CACNB2: variants seen among roughly 807,000 people sequenced by gnomAD.
CACNB2 encodes the protein calcium voltage-gated channel auxiliary subunit beta 2.
CACNB2 carries 42 observed loss-of-function variants against 73.3 expected under a neutral mutation model. The observed-to-expected ratio is 0.57, with a 90% CI of 0.45 to 0.74. The LOEUF is 0.74. Among genes scored for constraint, CACNB2 ranks in the 30% least tolerant of loss-of-function variants. The probability of loss-of-function intolerance (pLI) is 0.00; values close to 1 mark genes in which losing one functional copy is unlikely to be tolerated. For missense variants in CACNB2, 940 were observed against 853.0 expected (o/e 1.10, Z -1.27); for synonymous variants, 348 against 310.3 (o/e 1.12, Z -1.28).
rs556671937 is a variant in CACNB2 at position 18,348,385 on chromosome 10, C to T, written c.214-53539C>T. On this transcript the variant is annotated intron_variant, in intron 2 of 13. Transcript: ENST00000324631. ...ATTTAATTAAGATACATATGTTTGG[C>T]ACTGTAGCTGGAATACAGAGGCCCA... Among the ~76,000 whole-genome samples the T allele has an allele frequency of 4.1e-4, 63 of 152,282 alleles. 1 individual carries two copies. In the South Asian group the frequency reaches 0.013, roughly 31 times the overall value.
chr10:18,315,691 C>G (rs1218072120), intron 2 of CACNB2, among the ~76,000 whole-genome samples: 1 of 151,504 alleles, frequency 6.6e-6, no homozygotes, highest in Non-Finnish European at 1.5e-5. Flanking sequence ...AGGATCCTGT[C>G]CCAAAGAAAC....
chr10:18,386,619 G>T (rs1391920552), intron 2 of CACNB2, among the ~76,000 whole-genome samples: 1 of 151,884 alleles, frequency 6.6e-6, no homozygotes, highest in Non-Finnish European at 1.5e-5. Flanking sequence ...TGTTAGCCAG[G>T]ACGGTCTCGA....
intron 3 of CACNB2, among the ~76,000 whole-genome samples, chr10:18,438,037 A>G (rs1224601588): frequency 1.4e-5 from 1 of 71,312 alleles, no homozygotes; most frequent in Non-Finnish European, 2.5e-5. Context: ...TTTTTTTTTG[A>G]GATGAAGTCT....
intron 2 of CACNB2, among the ~76,000 whole-genome samples, chr10:18,371,887 T>C (rs1776876479): frequency 6.6e-6 from 1 of 152,238 alleles, no homozygotes; most frequent in Non-Finnish European, 1.5e-5. Context: ...TTTTTAATGA[T>C]CCTCATTCTA....
At chr10:18,479,828 C>A (rs2048632318) in intron 3 of CACNB2, among the ~76,000 whole-genome samples, 1 of 152,170 alleles carries the variant, frequency 6.6e-6, no homozygotes, top group Non-Finnish European at 1.5e-5. Flanking sequence ...TCAACTAAAC[C>A]TCTTCATAAA....
At chr10:18,362,446 CCTT>C (rs1333561385) in intron 2 of CACNB2, among the ~76,000 whole-genome samples, 2 of 152,014 alleles carry the variant, frequency 1.3e-5, no homozygotes, top group Non-Finnish European at 2.9e-5. Context: ...ACTGTTTCCT[CCTT>C]GTTTTTTTCC....
chr10:18,179,133 A>G (rs1049419191), intron 2 of CACNB2, among the ~76,000 whole-genome samples: 27 of 152,234 alleles, frequency 1.8e-4, no homozygotes, highest in African/African-American at 6.3e-4. Context: ...TAAACTAAAC[A>G]CTATAAAATA....
intron 3 of CACNB2, among the ~76,000 whole-genome samples, chr10:18,452,606 C>T (rs1245970249): frequency 3.3e-5 from 5 of 152,176 alleles, no homozygotes; most frequent in Non-Finnish European, 7.4e-5. Flanking sequence ...TGCAGTAGCA[C>T]AATCATAGCT....
intron 10 of CACNB2, among the ~76,000 whole-genome samples, chr10:18,531,317 T>C (rs2053008518): frequency 6.6e-6 from 1 of 152,182 alleles, no homozygotes. Context: ...CACCAGTTAT[T>C]TTTTCCTGAT....
intron 2 of CACNB2, among the ~76,000 whole-genome samples, chr10:18,285,272 C>A (rs1236187611): frequency 6.6e-6 from 1 of 152,198 alleles, no homozygotes; most frequent in Non-Finnish European, 1.5e-5. Flanking sequence ...TGCCATGTGA[C>A]TTTCAAGGTT....
intron 2 of CACNB2, among the ~76,000 whole-genome samples, chr10:18,297,828 TATCCC>T (rs2039340754): frequency 6.6e-6 from 1 of 152,180 alleles, no homozygotes; most frequent in African/African-American, 2.4e-5. Flanking sequence ...TGGAGTGCAC[TATCCC>T]TCCACAGAAG....
intron 2 of CACNB2, among the ~76,000 whole-genome samples, chr10:18,333,086 C>T (rs1182122335): frequency 6.6e-6 from 1 of 152,110 alleles, no homozygotes; most frequent in African/African-American, 2.4e-5. Context: ...AATTGCTATG[C>T]CTCTTCATTA....
At chr10:18,332,760 AG>A (rs895024097) in intron 2 of CACNB2, among the ~76,000 whole-genome samples, 1 of 152,208 alleles carries the variant, frequency 6.6e-6, no homozygotes, top group Non-Finnish European at 1.5e-5. Context: ...TGTATTAAGG[AG>A]AAATATTGAA....
chr10:18,479,996 G>A (rs2132829385), intron 3 of CACNB2, among the ~76,000 whole-genome samples: 1 of 152,222 alleles, frequency 6.6e-6, no homozygotes, highest in South Asian at 2.1e-4. Flanking sequence ...ATTCAGCTTG[G>A]CTTTGAGTGA....
intron 2 of CACNB2, among the ~76,000 whole-genome samples, chr10:18,345,025 A>G (rs2132094984): frequency 6.6e-6 from 1 of 152,300 alleles, no homozygotes; most frequent in East Asian, 1.9e-4. Context: ...GCATAATATA[A>G]CATCGTGACG....
At chr10:18,404,577 C>G (rs2044180985) in intron 3 of CACNB2, among the ~76,000 whole-genome samples, 2 of 152,184 alleles carry the variant, frequency 1.3e-5, no homozygotes, top group Admixed American at 1.3e-4. Context: ...CGAAGCATCT[C>G]TCAAACAGAA....
intron 2 of CACNB2, chr10:18,238,633 A>G (rs1262790799): frequency 6.6e-6 from 1 of 152,206 alleles, no homozygotes; most frequent in African/African-American, 2.4e-5. Flanking sequence ...TATAACATGA[A>G]TGAGTTGACT....
intron 2 of CACNB2, among the ~76,000 whole-genome samples, chr10:18,316,679 C>G (rs1305938357): frequency 6.6e-6 from 1 of 152,122 alleles, no homozygotes; most frequent in Non-Finnish European, 1.5e-5. Flanking sequence ...CTCAGCTGGT[C>G]TTGGACCCCT....
chr10:18,506,606 A>G (rs771522473), intron 6 of CACNB2, 59 bp downstream of exon 6: 424 of 1,115,582 alleles, frequency 3.8e-4, no homozygotes, highest in Non-Finnish European at 5.3e-4. Flanking sequence ...CCCCAGCTCT[A>G]TCCAGTTTTG....
Sources: gnomAD v4.1 joint callset for allele counts (sites outside exome capture counted in the v4.1 genomes callset) on GRCh38, gnomAD v4.1.1 for gene constraint, MANE v1.5 for transcripts, NCBI Gene and HGNC (gene_info 2026-07-23, HGNC 2026-07-21) for gene names.